Variants in RHBDF2 observed in about 807,000 individuals in gnomAD.
RHBDF2 encodes inactive rhomboid protein 2.
Under a neutral mutation model 95.2 loss-of-function variants are expected in RHBDF2, and 38 were observed. The ratio of observed to expected loss-of-function variants is 0.40; its 90% confidence interval spans 0.31 to 0.52. The LOEUF (loss-of-function observed/expected upper bound fraction) is 0.52. RHBDF2 is among the 20% of genes least tolerant of loss of function. The pLI, the probability that RHBDF2 is intolerant of heterozygous loss-of-function variation, is 0.56. For missense variants in RHBDF2, 863 were observed against 1,137.7 expected (o/e 0.76, Z 3.47); for synonymous variants, 442 against 462.0 (o/e 0.96, Z 0.55).
chr17:76,485,388 G>C (rs2074095907), intron 2 of RHBDF2, among the ~76,000 whole-genome samples: 1 of 136,262 alleles, frequency 7.3e-6, no homozygotes, highest in African/African-American at 2.8e-5. Context: ...TCCAGCCTGG[G>C]CAACAACAGC....
At chr17:76,491,925 G>T (rs113174542) in intron 1 of RHBDF2, among the ~76,000 whole-genome samples, 37 of 152,318 alleles carry the variant, frequency 2.4e-4, no homozygotes, top group African/African-American at 8.4e-4. Context: ...AGAGATGCTT[G>T]CTCACTGCAG....
At chr17:76,496,330 G>A (rs1327877179) in intron 1 of RHBDF2, among the ~76,000 whole-genome samples, 1 of 152,242 alleles carries the variant, frequency 6.6e-6, no homozygotes, top group Non-Finnish European at 1.5e-5. Context: ...TGGGGAAACT[G>A]AGGCTCAGAG....
At chr17:76,485,397 G>A (rs1233610939) in intron 2 of RHBDF2, among the ~76,000 whole-genome samples, 1 of 115,018 alleles carries the variant, frequency 8.7e-6, no homozygotes, top group Non-Finnish European at 1.7e-5. Flanking sequence ...GGCAACAACA[G>A]CAAAACTCTG....
intron 3 of RHBDF2, 191 bp from the exon 4 acceptor site, chr17:76,480,045 GTATATGTATA>G: frequency 9.4e-6 from 1 of 105,956 alleles, no homozygotes; most frequent in East Asian, 2.7e-4. Context: ...GTGTGTGTTT[GTATATGTATA>G]TATATATATA....
intron 4 of RHBDF2, 55 bp from the exon 5 acceptor site, chr17:76,479,332 TGA>T: frequency 6.5e-7 from 1 of 1,545,938 alleles, no homozygotes; most frequent in Non-Finnish European, 8.7e-7. Context: ...CCTGTGCACC[TGA>T]GTGTGTGGAA....
chr17:76,489,922 C>T (rs1169970704), intron 1 of RHBDF2, among the ~76,000 whole-genome samples: 4 of 151,852 alleles, frequency 2.6e-5, no homozygotes, highest in South Asian at 4.3e-4. Context: ...TCCTAGGGGA[C>T]GGGCTCCTCT....
At chr17:76,498,843 T>A (rs1370872455) in intron 1 of RHBDF2, among the ~76,000 whole-genome samples, 3 of 149,682 alleles carry the variant, frequency 2.0e-5, no homozygotes, top group African/African-American at 4.9e-5. Context: ...TGTGTCTGTG[T>A]GTTTGTGTGT....
In RHBDF2 at chr17:76,473,859, C is replaced by T. The variant is rs757444059; in HGVS notation, c.1618G>A (p.Asp540Asn). 1.1e-5 allele frequency: 17 copies of T among 1,613,972 alleles called. No homozygotes were observed. Among genetic ancestry groups the T allele is most frequent in the South Asian group, 6.6e-5 (6 of 91,086 alleles). ...CTCACCGGCCACTTAGTGATGTCAT[C>T]GGGCCAGATGTGGGCACCGCTGGAG... ...PASSGAHIWP[D>N]DITKWPICTE... Residue 540 changes from aspartate to asparagine, a missense_variant, in exon 14 of 19, where the codon GAT (aspartate) becomes AAT (asparagine). Physicochemically the swap from Asp to Asn is conservative, Grantham distance 23 (BLOSUM62 1). This residue lies in a region of RHBDF2 where 252 missense variants were observed against 412.2 expected (regional missense o/e 0.61). Coordinates refer to ENST00000675367, the MANE Select transcript of RHBDF2 (RefSeq NM_001005498.4).
rs1477760895 is a variant in RHBDF2 at position 76,474,025 on chromosome 17, G to A, written c.1574+8C>T. On this transcript the variant is annotated splice_region_variant and intron_variant, in intron 13 of 18. Transcript: ENST00000675367. ...ACCCTGAGGCCCAGCAGAGGCTCCA[G>A]GCCCTACCTGGGGTCCTGGTGGCAG... 2 of 1,611,530 alleles carry A rather than the reference G, an allele frequency of 1.2e-6. No homozygotes were observed. Among genetic ancestry groups the A allele is most frequent in the South Asian group, 2.2e-5 (2 of 91,036 alleles).
At position 76,481,521 on chromosome 17, in the gene RHBDF2, C is replaced by T. The variant is rs761643354; in HGVS notation, c.4G>A (p.Ala2Thr). The T allele has an allele frequency of 6.2e-6, 10 of 1,608,560 alleles. No homozygotes were observed. M[A>T]SADKNGGSVS... The stretch of plus-strand genomic sequence containing the variant: ...CTCCCGCCATTCTTGTCAGCAGAGG[C>T]CATTGTGGGCAGGAGGCGGGAGGGC... The change falls in exon 3 of 19, where the codon GCC becomes ACC. Residue 2 changes from alanine (A) to threonine (T), a missense_variant. Around this residue, in one of 2 missense-constraint regions of RHBDF2, gnomAD observed 611 missense variants for 725.5 expected, o/e 0.84. Coordinates refer to ENST00000675367, the MANE Select transcript of RHBDF2 (RefSeq NM_001005498.4).
intron 18 of RHBDF2, 25 bp from the exon 19 acceptor site, chr17:76,472,077 GCTT>G (rs2073589645): frequency 6.5e-7 from 1 of 1,533,386 alleles, no homozygotes; most frequent in African/African-American, 1.4e-5. Flanking sequence ...GGGAGACGTG[GCTT>G]CAGGCATCAG....
intron 1 of RHBDF2, among the ~76,000 whole-genome samples, chr17:76,499,776 G>C (rs529654011): frequency 6.6e-6 from 1 of 152,224 alleles, no homozygotes; most frequent in South Asian, 2.1e-4. Flanking sequence ...AAAATCTATG[G>C]GAAGAGAGCT....
At chr17:76,480,783 T>C (rs1224351405) in intron 3 of RHBDF2, among the ~76,000 whole-genome samples, 1 of 152,198 alleles carries the variant, frequency 6.6e-6, no homozygotes, top group Non-Finnish European at 1.5e-5. Flanking sequence ...CTCTGCACCA[T>C]GACGCTCCTG....
Position 76,477,298 on chromosome 17 carries a change from C to G in RHBDF2, c.802G>C (p.Glu268Gln). The change falls in exon 8 of 19, where the codon GAA becomes CAA. Residue 268 changes from glutamate (E) to glutamine (Q), a missense_variant and splice_region_variant. By Grantham distance (29) the Glu-to-Gln change is conservative. Around this residue, in one of 2 missense-constraint regions of RHBDF2, gnomAD observed 611 missense variants for 725.5 expected, o/e 0.84. Transcript: ENST00000675367. The part of the protein sequence containing the change: ...DTFDSSFFSK[E>Q]EMSSMPDDVF... ...TCATCAGGCATGGAGCTCATTTCTT[C>G]CTGGGGTGGGGGACAAGAAAATACA... The G allele has an allele frequency of 6.2e-7, 1 of 1,611,134 alleles. No individual in the cohort carries two copies. The highest frequency in any genetic ancestry group is 8.5e-7 in the Non-Finnish European group (1 of 1,179,128).
intron 2 of RHBDF2, among the ~76,000 whole-genome samples, chr17:76,482,805 C>A (rs1368573748): frequency 3.3e-5 from 5 of 151,548 alleles, no homozygotes; most frequent in Non-Finnish European, 7.4e-5. Flanking sequence ...TGCCACCTGT[C>A]TGGCACTTTT....
Position 76,475,161 on chromosome 17 carries a change from G to A in RHBDF2, c.1116-20C>T, listed in dbSNP as rs563315436. Reference sequence around the variant, plus strand: ...TAGGGCCTGTGCAGAGACACCTCGGGTCAGCTGAGCCGAGCTCCTATCCCA... The same window carrying A: ...TAGGGCCTGTGCAGAGACACCTCGGATCAGCTGAGCCGAGCTCCTATCCCA... On this transcript the variant is annotated intron_variant, in intron 9 of 18. Transcript: ENST00000675367. 4 of 1,536,524 alleles carry A rather than the reference G, an allele frequency of 2.6e-6. No individual in the cohort carries two copies. The African/African-American group carries it at 5.4e-5, about 21-fold the overall frequency.
At chr17:76,497,391 A>G (rs890249893) in intron 1 of RHBDF2, among the ~76,000 whole-genome samples, 1 of 152,002 alleles carries the variant, frequency 6.6e-6, no homozygotes, top group Non-Finnish European at 1.5e-5. Context: ...CCAGATGGAA[A>G]CCCACCCTCA....
At chr17:76,490,865 C>A (rs1187829099) in intron 1 of RHBDF2, among the ~76,000 whole-genome samples, 1 of 152,198 alleles carries the variant, frequency 6.6e-6, no homozygotes, top group East Asian at 1.9e-4. Context: ...AGAGAATCAA[C>A]CACTTTATTG....
chr17:76,494,383 C>T (rs930950855), intron 1 of RHBDF2, among the ~76,000 whole-genome samples: 2 of 152,170 alleles, frequency 1.3e-5, no homozygotes, highest in Admixed American at 1.3e-4. Flanking sequence ...GCAGTGCAGC[C>T]AGGCCTCGAG....
Sources: allele counts gnomAD v4.1 joint callset (sites outside exome capture counted in the v4.1 genomes callset), GRCh38; gene constraint gnomAD v4.1.1; regional missense constraint gnomAD v4.1.1; transcripts MANE v1.5; gene names NCBI Gene and HGNC (gene_info 2026-07-23, HGNC 2026-07-21).